KCND2: variants seen among roughly 807,000 people sequenced by gnomAD.
KCND2 encodes the protein A-type voltage-gated potassium channel KCND2.
KCND2 carries 16 observed loss-of-function variants against 54.4 expected under a neutral mutation model. The observed-to-expected ratio is 0.29, with a 90% CI of 0.20 to 0.45. The LOEUF (loss-of-function observed/expected upper bound fraction) is 0.45. Among genes scored for constraint, KCND2 ranks in the 20% least tolerant of loss-of-function variants. KCND2 has a pLI of 1.00. For synonymous variants in KCND2, 317 were observed against 310.7 expected (o/e 1.02, Z -0.21); for missense variants, 486 against 824.2 (o/e 0.59, Z 5.02).
At chr7:120,588,419 G>GTGTT (rs1043989900) in intron 1 of KCND2, among the ~76,000 whole-genome samples, 1 of 151,402 alleles carries the variant, frequency 6.6e-6, no homozygotes, top group African/African-American at 2.4e-5. Context: ...GTGTGTGTGT[G>GTGTT]TGTGTGTGTG....
intron 1 of KCND2, among the ~76,000 whole-genome samples, chr7:120,403,313 T>A (rs1801293289): frequency 1.4e-5 from 2 of 143,682 alleles, no homozygotes; most frequent in African/African-American, 5.2e-5. Flanking sequence ...CTATTATTCA[T>A]GTTTTTTTTT....
chr7:120,443,329 A>C (rs1801969116), intron 1 of KCND2, among the ~76,000 whole-genome samples: 1 of 149,492 alleles, frequency 6.7e-6, no homozygotes, highest in Non-Finnish European at 1.5e-5. Flanking sequence ...ACTGGATAAC[A>C]ATCTCCAAGA....
At chr7:120,502,602 A>G (rs1462868576) in intron 1 of KCND2, among the ~76,000 whole-genome samples, 2 of 152,046 alleles carry the variant, frequency 1.3e-5, no homozygotes, top group East Asian at 1.9e-4. Context: ...TTGCCCCTTC[A>G]GGTAGCTCTG....
intron 1 of KCND2, among the ~76,000 whole-genome samples, chr7:120,677,334 G>A (rs1223153159): frequency 6.6e-6 from 1 of 152,000 alleles, no homozygotes; most frequent in Non-Finnish European, 1.5e-5. Context: ...CCAGGGAAGA[G>A]TAAACCAGTA....
chr7:120,347,186 A>C (rs1200595154), intron 1 of KCND2, among the ~76,000 whole-genome samples: 1 of 152,174 alleles, frequency 6.6e-6, no homozygotes, highest in East Asian at 1.9e-4. Context: ...ATGGGCTGTC[A>C]CTTTGATGCC....
At chr7:120,678,044 T>A (rs1241299919) in intron 1 of KCND2, among the ~76,000 whole-genome samples, 2 of 152,028 alleles carry the variant, frequency 1.3e-5, no homozygotes, top group Non-Finnish European at 2.9e-5. Context: ...GTGGAATAGA[T>A]GGCTTTTATG....
chr7:120,579,894 G>A (rs1203000337), intron 1 of KCND2, among the ~76,000 whole-genome samples: 1 of 152,132 alleles, frequency 6.6e-6, no homozygotes, highest in Non-Finnish European at 1.5e-5. Flanking sequence ...TTAGGATTAT[G>A]GAGGGGATTC....
At chr7:120,303,069 C>T (rs1799608538) in intron 1 of KCND2, among the ~76,000 whole-genome samples, 1 of 151,830 alleles carries the variant, frequency 6.6e-6, no homozygotes, top group South Asian at 2.1e-4. Context: ...AGTTCTATTG[C>T]TAATAAATTT....
chr7:120,367,622 G>T (rs73431979), intron 1 of KCND2, among the ~76,000 whole-genome samples: 2,020 of 149,888 alleles, frequency 0.013, 47 homozygotes, highest in African/African-American at 0.044. Flanking sequence ...AACTTCTATG[G>T]TTAACATCTT....
chr7:120,737,070 ACAC>A (rs1792881121), intron 2 of KCND2, among the ~76,000 whole-genome samples: 2 of 143,002 alleles, frequency 1.4e-5, no homozygotes, highest in Admixed American at 7.1e-5. Context: ...ACACACACAC[ACAC>A]ACAAACAAAA....
chr7:120,680,787 G>A (rs934590702), intron 1 of KCND2, among the ~76,000 whole-genome samples: 15 of 152,020 alleles, frequency 9.9e-5, no homozygotes, highest in Non-Finnish European at 1.8e-4. Flanking sequence ...AGCACTGCCT[G>A]ACACAAAGTT....
At chr7:120,387,268 G>A (rs569348217) in intron 1 of KCND2, among the ~76,000 whole-genome samples, 1 of 151,850 alleles carries the variant, frequency 6.6e-6, no homozygotes, top group Non-Finnish European at 1.5e-5. Context: ...TTAGTTATGA[G>A]GTTTTCCAAA....
At chr7:120,577,015 C>T (rs906991772) in intron 1 of KCND2, among the ~76,000 whole-genome samples, 5 of 151,978 alleles carry the variant, frequency 3.3e-5, no homozygotes, top group African/African-American at 1.2e-4. Context: ...GGTGTGGCAG[C>T]GTGCACCTGT....
intron 1 of KCND2, among the ~76,000 whole-genome samples, chr7:120,394,797 A>C (rs1801129938): frequency 6.6e-6 from 1 of 152,016 alleles, no homozygotes; most frequent in Non-Finnish European, 1.5e-5. Context: ...TAATGTTTGC[A>C]AAGGCTGTTT....
chr7:120,393,773 T>C (rs1801112343), intron 1 of KCND2, among the ~76,000 whole-genome samples: 1 of 152,040 alleles, frequency 6.6e-6, no homozygotes, highest in South Asian at 2.1e-4. Flanking sequence ...ATAAAACCTG[T>C]TACTTTTGTT....
At chr7:120,738,202 C>T (rs1334206462) in intron 2 of KCND2, among the ~76,000 whole-genome samples, 2 of 152,036 alleles carry the variant, frequency 1.3e-5, no homozygotes, top group African/African-American at 4.8e-5. Context: ...CTGTTCTTCT[C>T]ACAGTGATCA....
Position 120,386,507 on chromosome 7 carries a change from A to G in KCND2, c.1115+110760A>G, listed in dbSNP as rs147760087. On this transcript the variant is annotated intron_variant, in intron 1 of 5. Coordinates refer to ENST00000331113, the MANE Select transcript of KCND2 (RefSeq NM_012281.3). ...CCCCAAAAAGGACCCAACAACAAAGAGTAAATACAATTACAAATATTCTTT... is the reference window on the plus strand; with the variant it reads ...CCCCAAAAAGGACCCAACAACAAAGGGTAAATACAATTACAAATATTCTTT... 7.9e-3 allele frequency among the ~76,000 whole-genome samples: 1,206 copies of G among 152,262 alleles called. 8 individuals are homozygous for G. Among genetic ancestry groups the G allele is most frequent in the Non-Finnish European group, 0.013 (917 of 68,006 alleles).
chr7:120,328,209 A>T (rs1800009475), intron 1 of KCND2, among the ~76,000 whole-genome samples: 1 of 152,062 alleles, frequency 6.6e-6, no homozygotes, highest in Admixed American at 6.6e-5. Context: ...AGCTCTTATG[A>T]GGTATTGTTA....
chr7:120,588,708 C>T (rs1584842502), intron 1 of KCND2, among the ~76,000 whole-genome samples: 1 of 152,040 alleles, frequency 6.6e-6, no homozygotes, highest in Non-Finnish European at 1.5e-5. Flanking sequence ...ACAATGAAAA[C>T]TCTAAAAGAG....
Sources: allele counts gnomAD v4.1 joint callset (sites outside exome capture counted in the v4.1 genomes callset), GRCh38; gene constraint gnomAD v4.1.1; transcripts MANE v1.5; gene names NCBI Gene and HGNC (gene_info 2026-07-23, HGNC 2026-07-21).